The following DLGAP4 variants were observed in gnomAD, a reference collection of about 807,000 sequenced individuals.
The protein encoded by DLGAP4 is DLG associated protein 4.
Under a neutral mutation model 86.9 loss-of-function variants are expected in DLGAP4, and 18 were observed. The ratio of observed to expected loss-of-function variants is 0.21; its 90% CI spans 0.14 to 0.31. DLGAP4 has a LOEUF of 0.31. DLGAP4 is among the 10% of genes least tolerant of loss of function. The pLI is 1.00. For synonymous variants in DLGAP4, 548 were observed against 574.3 expected (o/e 0.95, Z 0.65); for missense variants, 1,085 against 1,362.6 (o/e 0.80, Z 3.21).
chr20:36,488,301 G>C (rs2035509727), intron 7 of DLGAP4, among the ~76,000 whole-genome samples: 1 of 152,020 alleles, frequency 6.6e-6, no homozygotes, highest in Non-Finnish European at 1.5e-5. Flanking sequence ...GCACTGCCTA[G>C]CTGGGAGGTG....
intron 7 of DLGAP4, among the ~76,000 whole-genome samples, chr20:36,477,890 G>A (rs373571697): frequency 9.2e-5 from 14 of 152,322 alleles, no homozygotes; most frequent in African/African-American, 3.1e-4. Flanking sequence ...GCACTTCACT[G>A]GTAAAATTGG....
intron 7 of DLGAP4, among the ~76,000 whole-genome samples, chr20:36,453,246 A>T (rs980557187): frequency 2.6e-5 from 4 of 152,236 alleles, no homozygotes; most frequent in African/African-American, 9.6e-5. Context: ...TCTTGAGGCC[A>T]GAAGTTCAAG....
chr20:36,406,656 A>G (rs1417592022), intron 2 of DLGAP4, among the ~76,000 whole-genome samples: 1 of 152,138 alleles, frequency 6.6e-6, no homozygotes, highest in Non-Finnish European at 1.5e-5. Flanking sequence ...TTTGGATACC[A>G]TGGGTGGTTC....
intron 2 of DLGAP4, among the ~76,000 whole-genome samples, chr20:36,390,570 G>A (rs371656465): frequency 6.6e-6 from 1 of 152,018 alleles, no homozygotes; most frequent in African/African-American, 2.4e-5. Flanking sequence ...AATCCTGAGT[G>A]GGGGGGCATG....
intron 6 of DLGAP4, among the ~76,000 whole-genome samples, chr20:36,445,765 C>T (rs1044754822): frequency 2.0e-5 from 3 of 152,200 alleles, no homozygotes; most frequent in African/African-American, 7.2e-5. Flanking sequence ...GTGGCCCAGG[C>T]CAGCCCCCAA....
chr20:36,486,587 A>G lies in DLGAP4; in HGVS notation c.1649-10118A>G, dbSNP rs545044071. On this transcript the variant is annotated intron_variant, in intron 7 of 12. Coordinates refer to ENST00000339266, the MANE Select transcript of DLGAP4 (RefSeq NM_001365621.2). The stretch of plus-strand genomic sequence containing the variant: ...TTCCTATTGTAGGCTAAGGTAAGCA[A>G]TGTGGATTTTATTCTGTATGGAATG... Among the ~76,000 whole-genome samples, 327 of 152,238 alleles carry G rather than the reference A, an allele frequency of 2.1e-3. 3 individuals carry two copies. Among genetic ancestry groups the G allele is most frequent in the African/African-American group, 7.5e-3 (311 of 41,546 alleles).
At chr20:36,462,078 C>T (rs985271197) in intron 7 of DLGAP4, 19 of 991,522 alleles carry the variant, frequency 1.9e-5, no homozygotes, top group Admixed American at 6.1e-5. Flanking sequence ...GGGGGTTCTG[C>T]ACCCCAAGTC....
intron 7 of DLGAP4, among the ~76,000 whole-genome samples, chr20:36,468,027 T>G (rs766466310): frequency 3.3e-5 from 5 of 152,202 alleles, no homozygotes; most frequent in Non-Finnish European, 7.3e-5. Flanking sequence ...GAGCCTTCTT[T>G]CCCTTTAATT....
At chr20:36,436,484 C>G (rs2033283044) in intron 4 of DLGAP4, 134 bp downstream of exon 4, 1 of 1,377,482 alleles carries the variant, frequency 7.3e-7, no homozygotes, top group Non-Finnish European at 9.5e-7. Context: ...TTGAGCCACG[C>G]CCACTCATGA....
chr20:36,394,167 C>T (rs941596909), intron 2 of DLGAP4, among the ~76,000 whole-genome samples: 4 of 152,220 alleles, frequency 2.6e-5, no homozygotes, highest in African/African-American at 7.2e-5. Context: ...GGTCAGACCT[C>T]ACTTTGTCCG....
intron 10 of DLGAP4, among the ~76,000 whole-genome samples, chr20:36,520,081 C>T (rs2037284727): frequency 6.6e-6 from 1 of 151,996 alleles, no homozygotes; most frequent in Non-Finnish European, 1.5e-5. Context: ...AGGCAGGAGC[C>T]TTGATAGCTA....
chr20:36,346,026 G>A (rs919782121), intron 1 of DLGAP4, among the ~76,000 whole-genome samples: 1 of 152,128 alleles, frequency 6.6e-6, no homozygotes, highest in Non-Finnish European at 1.5e-5. Context: ...CAAAGTGCTG[G>A]GACTACAGGT....
chr20:36,467,042 CTCTCTCTCTCTCTCTCTCTCT>C (rs2034425685), intron 7 of DLGAP4, among the ~76,000 whole-genome samples: 1 of 131,070 alleles, frequency 7.6e-6, no homozygotes, highest in African/African-American at 3.8e-5. Flanking sequence ...CTCTCTCTCT[CTCTCTCTCTCTCTCTCTCTCT>C]CCCCCCCCCT....
chr20:36,511,832 G>A lies in DLGAP4; in HGVS notation c.2512+11221G>A, dbSNP rs565439874. ...GGAGGTTGCGGTGAGCCGAGATCAT[G>A]CCACCGCGCTCCAGCCTGGGCGACA... On this transcript the variant is annotated intron_variant, in intron 10 of 12. Coordinates refer to ENST00000339266, the MANE Select transcript of DLGAP4 (RefSeq NM_001365621.2). Among the ~76,000 whole-genome samples, 313 of 147,538 alleles carry A rather than the reference G, an allele frequency of 2.1e-3. 2 individuals are homozygous for A. Among genetic ancestry groups the A allele is most frequent in the African/African-American group, 7.4e-3 (292 of 39,718 alleles).
chr20:36,497,514 G>A (rs1394053273), intron 8 of DLGAP4: 1 of 995,824 alleles, frequency 1.0e-6, no homozygotes, highest in Admixed American at 5.6e-5. Flanking sequence ...AGACGCTGTT[G>A]GGCCAGGGGC....
chr20:36,408,142 G>A (rs547172109), intron 2 of DLGAP4, among the ~76,000 whole-genome samples: 2 of 152,044 alleles, frequency 1.3e-5, no homozygotes, highest in South Asian at 4.2e-4. Flanking sequence ...GGAGGCTTGG[G>A]CTTTATCTTA....
chr20:36,485,349 C>T (rs1306978397), intron 7 of DLGAP4, among the ~76,000 whole-genome samples: 1 of 144,692 alleles, frequency 6.9e-6, no homozygotes, highest in Non-Finnish European at 1.5e-5. Context: ...GAGACCCTGT[C>T]CCAAAAAAAA....
chr20:36,314,782 G>A (rs1300849949), intron 1 of DLGAP4, among the ~76,000 whole-genome samples: 5 of 143,586 alleles, frequency 3.5e-5, no homozygotes, highest in Non-Finnish European at 7.6e-5. Flanking sequence ...GGTGTGTGGT[G>A]TGATGTGTGT....
chr20:36,373,761 G>A (rs994078856), intron 2 of DLGAP4, among the ~76,000 whole-genome samples: 40 of 152,122 alleles, frequency 2.6e-4, no homozygotes, highest in Non-Finnish European at 4.6e-4. Context: ...GGCCAGGTGC[G>A]GTGGCTCATG....
Sources: allele counts gnomAD v4.1 joint callset (sites outside exome capture counted in the v4.1 genomes callset), GRCh38; gene constraint gnomAD v4.1.1; transcripts MANE v1.5; gene names NCBI Gene and HGNC (gene_info 2026-07-23, HGNC 2026-07-21).